The following ADARB2 variants were observed in gnomAD, a reference collection of about 807,000 sequenced individuals.
The protein encoded by ADARB2 is inactive double-stranded RNA-specific editase B2.
In ADARB2, 25 loss-of-function variants were observed where a neutral mutation model predicts 62.2. The ratio of observed to expected loss-of-function variants is 0.40; its 90% confidence interval spans 0.29 to 0.56. The LOEUF (loss-of-function observed/expected upper bound fraction) is 0.56, where lower values mean the gene tolerates loss of function less well. Ranked by LOEUF, ADARB2 falls within the 20% of genes least tolerant of loss-of-function variation. The pLI, the probability that ADARB2 is intolerant of heterozygous loss-of-function variation, is 0.43. For missense variants in ADARB2, 1,071 were observed against 1,077.4 expected (o/e 0.99, Z 0.08); for synonymous variants, 572 against 500.8 (o/e 1.14, Z -1.90).
At chr10:1,546,713 T>C (rs368645225) in intron 1 of ADARB2, among the ~76,000 whole-genome samples, 2 of 152,282 alleles carry the variant, frequency 1.3e-5, no homozygotes, top group South Asian at 4.1e-4. Context: ...GTTTAGGAGA[T>C]CACAGCTGGG....
intron 1 of ADARB2, among the ~76,000 whole-genome samples, chr10:1,730,552 A>C (rs1835217522): frequency 6.6e-6 from 1 of 152,214 alleles, no homozygotes; most frequent in African/African-American, 2.4e-5. Context: ...ACACAGCTGA[A>C]AAAACTTTCA....
intron 1 of ADARB2, among the ~76,000 whole-genome samples, chr10:1,461,412 C>A (rs1490788766): frequency 6.6e-6 from 1 of 152,188 alleles, no homozygotes; most frequent in Non-Finnish European, 1.5e-5. Context: ...GAGAATCTGA[C>A]TCGTAATCCT....
At chr10:1,547,089 G>A (rs1369480519) in intron 1 of ADARB2, among the ~76,000 whole-genome samples, 1 of 152,264 alleles carries the variant, frequency 6.6e-6, no homozygotes, top group Non-Finnish European at 1.5e-5. Flanking sequence ...CACAGGACCT[G>A]AAGATAAGAT....
intron 1 of ADARB2, among the ~76,000 whole-genome samples, chr10:1,610,226 C>T (rs919026361): frequency 2.0e-5 from 3 of 152,196 alleles, no homozygotes; most frequent in Admixed American, 1.3e-4. Context: ...GCCCCAGGGC[C>T]CCTACACGGG....
intron 1 of ADARB2, among the ~76,000 whole-genome samples, chr10:1,691,935 A>G (rs1437537653): frequency 3.9e-5 from 6 of 152,084 alleles, no homozygotes; most frequent in African/African-American, 1.4e-4. Context: ...GCATGCATGT[A>G]TCTACTACTG....
chr10:1,571,285 C>CTTTT (rs768695693), intron 1 of ADARB2, among the ~76,000 whole-genome samples: 20 of 139,526 alleles, frequency 1.4e-4, no homozygotes, highest in African/African-American at 5.5e-4. Context: ...TCTATTTTTA[C>CTTTT]TTTTTTTTTT....
intron 3 of ADARB2, among the ~76,000 whole-genome samples, chr10:1,355,950 T>C (rs949218536): frequency 1.6e-4 from 24 of 152,242 alleles, no homozygotes; most frequent in Admixed American, 7.8e-4. Flanking sequence ...TATACATGTA[T>C]AGTGTATAAA....
chr10:1,621,535 C>T (rs1833703834), intron 1 of ADARB2, among the ~76,000 whole-genome samples: 1 of 152,050 alleles, frequency 6.6e-6, no homozygotes, highest in Non-Finnish European at 1.5e-5. Context: ...CCTGCCTCAG[C>T]CTCTGGAATT....
At chr10:1,621,228 T>C (rs868372701) in intron 1 of ADARB2, among the ~76,000 whole-genome samples, 24 of 152,252 alleles carry the variant, frequency 1.6e-4, no homozygotes, top group Non-Finnish European at 2.2e-4. Flanking sequence ...TCTGATAGAA[T>C]CAACAAAAAA....
At chr10:1,563,044 T>C (rs1474457003) in intron 1 of ADARB2, among the ~76,000 whole-genome samples, 2 of 152,182 alleles carry the variant, frequency 1.3e-5, no homozygotes, top group African/African-American at 4.8e-5. Context: ...GGTGCTGACT[T>C]GAGTCCCTGT....
chr10:1,665,697 GA>G (rs1390624040), intron 1 of ADARB2, among the ~76,000 whole-genome samples: 1 of 152,240 alleles, frequency 6.6e-6, no homozygotes, highest in Non-Finnish European at 1.5e-5. Flanking sequence ...GACATCAAGA[GA>G]AAAAGGAGTG....
intron 1 of ADARB2, among the ~76,000 whole-genome samples, chr10:1,400,966 G>A (rs2820589): frequency 0.065 from 9,880 of 152,182 alleles, 1,128 homozygotes; most frequent in African/African-American, 0.22. Flanking sequence ...AAGAAGGCCT[G>A]AGAATCATCA....
At chr10:1,367,234 C>A (rs1161736015) in intron 2 of ADARB2, among the ~76,000 whole-genome samples, 1 of 152,248 alleles carries the variant, frequency 6.6e-6, no homozygotes, top group East Asian at 1.9e-4. Flanking sequence ...TTGGCCTCAG[C>A]TATCACCACC....
At chr10:1,430,750 A>C (rs1226275141) in intron 1 of ADARB2, among the ~76,000 whole-genome samples, 1 of 152,174 alleles carries the variant, frequency 6.6e-6, no homozygotes, top group African/African-American at 2.4e-5. Context: ...AAAAAAAAAA[A>C]ATCAGGAGTG....
At chr10:1,356,648 T>A (rs181528741) in intron 3 of ADARB2, among the ~76,000 whole-genome samples, 1 of 152,170 alleles carries the variant, frequency 6.6e-6, no homozygotes, top group Non-Finnish European at 1.5e-5. Flanking sequence ...GAGGAAAAGC[T>A]GCATGTAGGA....
intron 3 of ADARB2, among the ~76,000 whole-genome samples, chr10:1,318,943 T>G (rs1831770562): frequency 1.3e-5 from 2 of 152,202 alleles, no homozygotes; most frequent in Non-Finnish European, 2.9e-5. Flanking sequence ...CAAAGGCTTA[T>G]GAATGTGGCC....
intron 1 of ADARB2, among the ~76,000 whole-genome samples, chr10:1,705,626 T>C (rs1429822783): frequency 1.3e-5 from 2 of 152,240 alleles, no homozygotes; most frequent in Non-Finnish European, 2.9e-5. Flanking sequence ...TGTCCTGAAA[T>C]GCAGGGTGCG....
intron 1 of ADARB2, among the ~76,000 whole-genome samples, chr10:1,525,128 C>T (rs1832124223): frequency 1.3e-5 from 2 of 152,116 alleles, no homozygotes; most frequent in South Asian, 2.1e-4. Flanking sequence ...CCCCAGAAAA[C>T]ACTTTTTGTA....
At chr10:1,490,881 AC>A (rs1588276158) in intron 1 of ADARB2, among the ~76,000 whole-genome samples, 1 of 152,186 alleles carries the variant, frequency 6.6e-6, no homozygotes. Flanking sequence ...CTCATGAACT[AC>A]ATACGTCAGC....
Sources: allele counts gnomAD v4.1 joint callset (sites outside exome capture counted in the v4.1 genomes callset), GRCh38; gene constraint gnomAD v4.1.1; transcripts MANE v1.5; gene names NCBI Gene and HGNC (gene_info 2026-07-23, HGNC 2026-07-21).